Variants in THSD7B observed in about 807,000 individuals in gnomAD.
The protein encoded by THSD7B is thrombospondin type-1 domain-containing protein 7B.
THSD7B carries 138 observed loss-of-function variants against 213.6 expected under a neutral mutation model. The observed-to-expected ratio is 0.65, with a 90% CI of 0.56 to 0.74. THSD7B has a LOEUF of 0.74. THSD7B is among the 30% of genes least tolerant of loss of function. The pLI is 0.00. For missense variants in THSD7B, 1,931 were observed against 1,991.5 expected, an observed-to-expected ratio of 0.97 and a Z score of 0.58; for synonymous variants, 742 against 687.0, an observed-to-expected ratio of 1.08 and a Z score of -1.25.
chr2:137,194,499 G>C (rs1051510844), intron 7 of THSD7B, among the ~76,000 whole-genome samples: 1 of 152,182 alleles, frequency 6.6e-6, no homozygotes, highest in Non-Finnish European at 1.5e-5. Context: ...TATTTTAATT[G>C]AATTAGTTTG....
chr2:137,122,872 A>G (rs565151440), intron 5 of THSD7B, among the ~76,000 whole-genome samples: 1 of 152,136 alleles, frequency 6.6e-6, no homozygotes, highest in East Asian at 1.9e-4. Flanking sequence ...TGACACAGGT[A>G]CCTCTGCTCC....
chr2:137,265,586 T>C (rs1169544537), intron 10 of THSD7B, among the ~76,000 whole-genome samples: 1 of 152,212 alleles, frequency 6.6e-6, no homozygotes, highest in African/African-American at 2.4e-5. Context: ...CTTTGAATGT[T>C]TGAATGATGC....
At chr2:136,950,039 G>A (rs1206926245) in intron 2 of THSD7B, among the ~76,000 whole-genome samples, 1 of 152,180 alleles carries the variant, frequency 6.6e-6, no homozygotes, top group Non-Finnish European at 1.5e-5. Context: ...GGATCACGAG[G>A]TCAGGAGTTT....
In THSD7B at chr2:137,677,354, G is replaced by GAT. The variant is rs1258163781; in HGVS notation, c.*750_*751dup. ...AATTGGAGAATGAGGTAGATTATTTGATTACTAAAACTGTATTTTAACAAA... is the reference window on the plus strand; with the variant it reads ...AATTGGAGAATGAGGTAGATTATTTGATATTACTAAAACTGTATTTTAACAAA... On this transcript the variant is annotated 3_prime_UTR_variant, in exon 28 of 28. Transcript: ENST00000409968. The GAT allele has an allele frequency of 6.6e-6, 1 of 152,318 alleles. No homozygotes were observed. Among genetic ancestry groups the GAT allele is most frequent in the African/African-American group, 2.4e-5 (1 of 41,454 alleles). 9.4% of individuals were successfully genotyped at this position (152,318 alleles called of 1,614,324 possible).
intron 12 of THSD7B, among the ~76,000 whole-genome samples, chr2:137,310,204 T>C (rs1269909338): frequency 6.6e-6 from 1 of 152,190 alleles, no homozygotes; most frequent in Non-Finnish European, 1.5e-5. Flanking sequence ...TTCTAACTGG[T>C]GTGAAATGTT....
At position 136,933,707 on chromosome 2, in the gene THSD7B, TTC is replaced by T. The variant is rs1388722339; in HGVS notation, c.139+51396_139+51397del. 2.6e-5 allele frequency among the ~76,000 whole-genome samples: 4 copies of T among 152,148 alleles called. No homozygotes were observed. The East Asian group carries it at 7.7e-4, about 29-fold the overall frequency. ...AATCAATCTCTTCTTCTCTGTCCCTTTCTCTCTGTTCCCTGTCCCCCCATCCT... is the reference window on the plus strand; with the variant it reads ...AATCAATCTCTTCTTCTCTGTCCCTTTCTCTGTTCCCTGTCCCCCCATCCT... On this transcript the variant is annotated intron_variant, in intron 2 of 27. Transcript: ENST00000409968.
chr2:137,585,515 T>G (rs1681703192), intron 17 of THSD7B, among the ~76,000 whole-genome samples: 2 of 152,198 alleles, frequency 1.3e-5, no homozygotes, highest in African/African-American at 4.8e-5. Context: ...TTTAAATGTG[T>G]CCCAGAGATT....
At chr2:137,569,643 ATTGAG>A (rs1398597932) in intron 16 of THSD7B, among the ~76,000 whole-genome samples, 3 of 151,986 alleles carry the variant, frequency 2.0e-5, no homozygotes, top group Non-Finnish European at 2.9e-5. Context: ...TGTGTTGTAA[ATTGAG>A]TTATTTTTGG....
At chr2:137,439,453 C>A (rs1449033012) in intron 14 of THSD7B, among the ~76,000 whole-genome samples, 2 of 151,978 alleles carry the variant, frequency 1.3e-5, no homozygotes, top group African/African-American at 4.8e-5. Context: ...TCTTTTATTT[C>A]TTTATTTCTT....
chr2:137,115,183 AG>A lies in THSD7B; in HGVS notation c.1261del (p.Asp421IlefsTer6), dbSNP rs1688423803. 1 of 1,613,820 alleles carries A rather than the reference AG, an allele frequency of 6.2e-7. No homozygotes were observed. The highest frequency in any genetic ancestry group is 1.1e-5 in the South Asian group (1 of 91,078). ...ECQVSLLLEQ[Q>X]DPHWHVTGPV... is the part of the protein sequence containing the mutation. ...CAAGTCTCTCTCCTCCTCGAGCAGC[AG>A]GATCCCCACTGGCATGTGACGGGAC... On this transcript the variant is annotated frameshift_variant, in exon 5 of 28. Coordinates refer to ENST00000409968, the MANE Select transcript of THSD7B (RefSeq NM_001316349.2). LOFTEE classifies it high-confidence loss of function.
chr2:137,230,054 G>A (rs1419428751), intron 7 of THSD7B, among the ~76,000 whole-genome samples: 1 of 152,026 alleles, frequency 6.6e-6, no homozygotes, highest in Non-Finnish European at 1.5e-5. Context: ...ACTATTCTTT[G>A]TGTCCTCTGT....
chr2:136,987,265 C>G (rs1004330810), intron 2 of THSD7B, among the ~76,000 whole-genome samples: 6 of 152,072 alleles, frequency 3.9e-5, no homozygotes, highest in Admixed American at 6.6e-5. Context: ...TGACTCCTAC[C>G]CAATGAAATA....
At chr2:136,898,140 G>A (rs1418807196) in intron 2 of THSD7B, among the ~76,000 whole-genome samples, 1 of 152,214 alleles carries the variant, frequency 6.6e-6, no homozygotes, top group Non-Finnish European at 1.5e-5. Flanking sequence ...AGGAAATCTA[G>A]CTGGCTTCAC....
chr2:137,524,503 T>C (rs765543631), intron 15 of THSD7B, among the ~76,000 whole-genome samples: 12 of 151,970 alleles, frequency 7.9e-5, no homozygotes, highest in Non-Finnish European at 1.6e-4. Flanking sequence ...AATATCTGCA[T>C]TTTTTTTATA....
chr2:137,075,649 C>T (rs1036654135), intron 3 of THSD7B, among the ~76,000 whole-genome samples: 1 of 152,180 alleles, frequency 6.6e-6, no homozygotes, highest in Non-Finnish European at 1.5e-5. Flanking sequence ...TCCTTTGGAG[C>T]AGGAGAGGCG....
chr2:137,141,959 A>G (rs932888540), intron 5 of THSD7B, among the ~76,000 whole-genome samples: 3 of 152,268 alleles, frequency 2.0e-5, no homozygotes, highest in East Asian at 3.9e-4. Flanking sequence ...TATTTTAACT[A>G]TTACTAAAAA....
At chr2:137,049,394 T>C (rs1004711804) in intron 2 of THSD7B, among the ~76,000 whole-genome samples, 1 of 152,234 alleles carries the variant, frequency 6.6e-6, no homozygotes, top group Admixed American at 6.5e-5. Flanking sequence ...AAGATAGAAC[T>C]GGAGAGGGCA....
intron 5 of THSD7B, among the ~76,000 whole-genome samples, chr2:137,142,573 T>C (rs1470360612): frequency 6.6e-6 from 1 of 152,152 alleles, no homozygotes; most frequent in Admixed American, 6.6e-5. Context: ...TTACAGGTTT[T>C]ATTTGATATT....
intron 14 of THSD7B, among the ~76,000 whole-genome samples, chr2:137,441,775 A>T (rs549730459): frequency 6.6e-6 from 1 of 152,238 alleles, no homozygotes; most frequent in South Asian, 2.1e-4. Context: ...ATGTTATCCT[A>T]GTCTTTAATT....
Sources: gnomAD v4.1 joint callset for allele counts (sites outside exome capture counted in the v4.1 genomes callset) on GRCh38, gnomAD v4.1.1 for gene constraint, MANE v1.5 for transcripts, NCBI Gene and HGNC (gene_info 2026-07-23, HGNC 2026-07-21) for gene names.